Variants in DHTKD1 observed in about 807,000 individuals in gnomAD.
DHTKD1 encodes 2-oxoadipate dehydrogenase complex component E1.
Under a neutral mutation model 101.8 loss-of-function variants are expected in DHTKD1, and 78 were observed. That is an observed-to-expected ratio of 0.77 (90% CI 0.64 to 0.93). The LOEUF is 0.93. DHTKD1 is among the 40% of genes least tolerant of loss of function. The pLI, the probability that DHTKD1 is intolerant of heterozygous loss-of-function variation, is 0.00. For missense variants in DHTKD1, 1,223 were observed against 1,161.7 expected (o/e 1.05, Z -0.77); for synonymous variants, 462 against 450.3 (o/e 1.03, Z -0.33).
Position 12,099,091 on chromosome 10 carries a change from G to T in DHTKD1, c.1672-1087G>T, listed in dbSNP as rs149323233. Among the ~76,000 whole-genome samples the T allele has an allele frequency of 4.3e-3, 655 of 151,992 alleles. 7 individuals are homozygous for T. Among genetic ancestry groups the T allele is most frequent in the African/African-American group, 0.012 (492 of 41,488 alleles). Reference sequence around the variant, plus strand: ...AGGCTGAGGTGGGAGGATTGCTTGAGCCCAGAAGGTCGAGCCTGCAATGAG... The same window carrying T: ...AGGCTGAGGTGGGAGGATTGCTTGATCCCAGAAGGTCGAGCCTGCAATGAG... On this transcript the variant is annotated intron_variant, in intron 8 of 16. Coordinates refer to ENST00000263035, the MANE Select transcript of DHTKD1 (RefSeq NM_018706.7).
intron 7 of DHTKD1, among the ~76,000 whole-genome samples, 171 bp from the exon 8 acceptor site, chr10:12,097,513 A>T (rs1177890824): frequency 2.0e-5 from 3 of 152,130 alleles, no homozygotes; most frequent in Non-Finnish European, 4.4e-5. Context: ...ACCTCAGGTG[A>T]TCCACCCACT....
At chr10:12,070,586 T>C (rs1265685462) in intron 1 of DHTKD1, among the ~76,000 whole-genome samples, 1 of 152,166 alleles carries the variant, frequency 6.6e-6, no homozygotes, top group Non-Finnish European at 1.5e-5. Flanking sequence ...TCTTCTGGGT[T>C]CAAGCGATTG....
chr10:12,095,827 AAAAAAAGAAAAG>A (rs1564393448), intron 7 of DHTKD1, among the ~76,000 whole-genome samples: 1 of 138,414 alleles, frequency 7.2e-6, no homozygotes, highest in East Asian at 2.0e-4. Context: ...AAAAAAAAAA[AAAAAAAGAAAAG>A]AAAAGAAAAG....
rs186596858 is a variant in DHTKD1, at chr10:12,087,196, G to A, written c.523-339G>A. On this transcript the variant is annotated intron_variant, in intron 3 of 16. Coordinates refer to ENST00000263035, the MANE Select transcript of DHTKD1 (RefSeq NM_018706.7). This position sits in a 1 kb window ranked among gnomAD's most constrained non-coding sequence, Gnocchi z 5.2. ...ATAGTTTGCAGCCTTGATTCATACC[G>A]TAGAGCCCCGTGTGAAAACTGGGGT... Among the ~76,000 whole-genome samples the A allele has an allele frequency of 3.9e-5, 6 of 152,174 alleles. No individual in the cohort carries two copies. Among genetic ancestry groups the A allele is most frequent in the Admixed American group, 3.3e-4 (5 of 15,256 alleles).
At chr10:12,086,221 CTTTTCT>C (rs1832894374) in intron 3 of DHTKD1, among the ~76,000 whole-genome samples, 1 of 78,046 alleles carries the variant, frequency 1.3e-5, no homozygotes, top group Non-Finnish European at 2.3e-5. Flanking sequence ...CTTTTGTTTT[CTTTTCT>C]TTTTTTTTTT....
In DHTKD1 at chr10:12,100,285, C is replaced by CTCTTTTTTTTTTTTT; in HGVS notation, c.1756+24_1756+25insCTTTTTTTTTTTTTT. ...AAGGTAAGAATTTTCTTTTTTTTTT[C>CTCTTTTTTTTTTTTT]TGTTTTTTTTTTTTTTGAGTCTCAC... On this transcript the variant is annotated intron_variant, in intron 9 of 16. Coordinates refer to ENST00000263035, the MANE Select transcript of DHTKD1 (RefSeq NM_018706.7). The CTCTTTTTTTTTTTTT allele has an allele frequency of 8.8e-6, 2 of 228,240 alleles. 1 individual carries two copies. The allele number at this position is 228,240 out of a possible 1,614,324, so 14.1% of individuals were successfully genotyped here.
At position 12,120,258 on chromosome 10, in the gene DHTKD1, G is replaced by A. The variant is rs950847246; in HGVS notation, c.2649G>A (p.Leu883=). The A allele has an allele frequency of 6.2e-7, 1 of 1,613,592 alleles. No individual in the cohort carries two copies. Among genetic ancestry groups the A allele is most frequent in the Non-Finnish European group, 8.5e-7 (1 of 1,179,634 alleles). The stretch of plus-strand genomic sequence containing the variant: ...TTTCTCCAAGGTTTGAAAAGCAGCT[G>A]GCCTGCAAGGTAATCACACGTTTTC... The part of the protein sequence containing the change: ...SFVSPRFEKQ[L]ACKLRLVGRP... The change falls in exon 16 of 17, where the codon CTG becomes CTA. Residue 883 remains leucine, a synonymous_variant. Coordinates refer to ENST00000263035, the MANE Select transcript of DHTKD1 (RefSeq NM_018706.7).
At position 12,087,668 on chromosome 10, in the gene DHTKD1, T is replaced by C; in HGVS notation, c.656T>C (p.Ile219Thr). Residue 219 changes from isoleucine to threonine, a missense_variant, in exon 4 of 17, where the codon ATT becomes ACT. Coordinates refer to ENST00000263035, the MANE Select transcript of DHTKD1 (RefSeq NM_018706.7). This position sits in a 1 kb window ranked among gnomAD's most constrained non-coding sequence, Gnocchi z 5.2. Reference sequence around the variant, plus strand: ...TACAGCGGGATCACTGATGTCATTATTGGGATGCCCCATAGAGGGAGGCTG... The same window carrying C: ...TACAGCGGGATCACTGATGTCATTACTGGGATGCCCCATAGAGGGAGGCTG... ...SAYSGITDVI[I>T]GMPHRGRLNL... The C allele has an allele frequency of 6.2e-7, 1 of 1,613,848 alleles. No individual in the cohort carries two copies. The highest frequency in any genetic ancestry group is 8.5e-7 in the Non-Finnish European group (1 of 1,179,912).
intron 14 of DHTKD1, 144 bp from the exon 15 acceptor site, chr10:12,118,605 A>G (rs1304473102): frequency 1.1e-5 from 5 of 464,454 alleles, no homozygotes; most frequent in Middle Eastern, 3.6e-4. Context: ...GATGGTCTTG[A>G]TTTCCTGACC....
chr10:12,102,098 G>C (rs1041966958), intron 10 of DHTKD1, among the ~76,000 whole-genome samples: 1 of 152,126 alleles, frequency 6.6e-6, no homozygotes, highest in African/African-American at 2.4e-5. Context: ...ATTAGTTTGA[G>C]AACATCATCT....
intron 1 of DHTKD1, among the ~76,000 whole-genome samples, chr10:12,077,439 C>T (rs937499111): frequency 1.8e-4 from 27 of 152,132 alleles, no homozygotes; most frequent in Non-Finnish European, 3.7e-4. Flanking sequence ...GTGGGCCAGG[C>T]TGATCACAAA....
intron 15 of DHTKD1, among the ~76,000 whole-genome samples, chr10:12,119,370 C>T (rs1338808518): frequency 6.6e-6 from 1 of 151,176 alleles, no homozygotes; most frequent in Non-Finnish European, 1.5e-5. Context: ...AGTCCCAGCA[C>T]TTTGGGAGGC....
chr10:12,100,274 C>CTTTTTTTTTCTGT lies in DHTKD1; in HGVS notation c.1756+21_1756+22insCTGTTTTTTTTTT. 1.7e-5 allele frequency: 6 copies of CTTTTTTTTTCTGT among 351,632 alleles called. No individual in the cohort carries two copies. The highest frequency in any genetic ancestry group is 4.7e-5 in the African/African-American group (1 of 21,112). 21.8% of individuals were successfully genotyped at this position (351,632 alleles called of 1,614,324 possible). On this transcript the variant is annotated intron_variant, in intron 9 of 16. Transcript: ENST00000263035. Reference sequence around the variant, plus strand: ...TTTACTTGCTCAAGGTAAGAATTTTCTTTTTTTTTTCTGTTTTTTTTTTTT... The same window carrying CTTTTTTTTTCTGT: ...TTTACTTGCTCAAGGTAAGAATTTTCTTTTTTTTTCTGTTTTTTTTTTTCTGTTTTTTTTTTTT...
chr10:12,118,599 G>T (rs557266152), intron 14 of DHTKD1, 150 bp from the exon 15 acceptor site: 2 of 438,354 alleles, frequency 4.6e-6, no homozygotes. Context: ...AGCCAGGATG[G>T]TCTTGATTTC....
chr10:12,069,325 A>T (rs1321216682), intron 1 of DHTKD1, 138 bp downstream of exon 1: 5 of 714,376 alleles, frequency 7.0e-6, no homozygotes, highest in Admixed American at 3.0e-5. Flanking sequence ...GGGGGAGGTG[A>T]GGGGAGCAGA....
At chr10:12,077,178 G>A (rs1832746350) in intron 1 of DHTKD1, among the ~76,000 whole-genome samples, 1 of 150,314 alleles carries the variant, frequency 6.7e-6, no homozygotes, top group Admixed American at 6.7e-5. Flanking sequence ...CATACACAGT[G>A]TAACAATGTA....
intron 1 of DHTKD1, among the ~76,000 whole-genome samples, chr10:12,073,253 G>A (rs900200921): frequency 2.6e-5 from 4 of 151,882 alleles, no homozygotes; most frequent in African/African-American, 7.3e-5. Context: ...GGGTGGTATC[G>A]AACTCCTGAC....
chr10:12,106,706 C>G (rs543299422), intron 11 of DHTKD1, among the ~76,000 whole-genome samples: 1 of 152,186 alleles, frequency 6.6e-6, no homozygotes, highest in African/African-American at 2.4e-5. Flanking sequence ...ACCTGCTCAC[C>G]GTAAAAATTA....
intron 1 of DHTKD1, among the ~76,000 whole-genome samples, chr10:12,072,832 G>A (rs1330811321): frequency 6.6e-6 from 1 of 151,916 alleles, no homozygotes; most frequent in Non-Finnish European, 1.5e-5. Context: ...TGCCTCCTGG[G>A]TTCAAGTGAT....
Sources: allele counts gnomAD v4.1 joint callset (sites outside exome capture counted in the v4.1 genomes callset), GRCh38; gene constraint gnomAD v4.1.1; non-coding constraint Gnocchi (gnomAD v3.1); transcripts MANE v1.5; gene names NCBI Gene and HGNC (gene_info 2026-07-23, HGNC 2026-07-21).